DMD: variants seen among roughly 807,000 people sequenced by gnomAD.
The protein encoded by DMD is dystrophin, also known as mutant dystrophin.
A neutral mutation model predicts 330.1 loss-of-function variants in DMD; 63 were observed. The ratio of observed to expected loss-of-function variants is 0.19; its 90% confidence interval spans 0.16 to 0.24. The LOEUF is 0.24. DMD is among the 10% of genes least tolerant of loss of function. The pLI is 1.00. For missense variants in DMD, 3,344 were observed against 2,684.1 expected (o/e 1.25, Z -5.43); for synonymous variants, 1,223 against 959.8 (o/e 1.27, Z -5.07).
intron 19 of DMD, among the ~76,000 whole-genome samples, chrX:32,497,860 C>T (rs749449641): frequency 2.3e-4 from 26 of 111,570 alleles, no homozygotes; most frequent in African/African-American, 8.1e-4. Flanking sequence ...AGTTTAAAGA[C>T]TGTTCAAATT....
intron 9 of DMD, among the ~76,000 whole-genome samples, chrX:32,657,001 A>G (rs1333173253): frequency 2.0e-5 from 2 of 101,105 alleles, no homozygotes; most frequent in Admixed American, 1.0e-4. Flanking sequence ...TATATAGTAT[A>G]CCAACTTATA....
chrX:32,693,782 C>T (rs941148908), intron 9 of DMD, among the ~76,000 whole-genome samples: 1 of 111,439 alleles, frequency 9.0e-6, no homozygotes, highest in African/African-American at 3.3e-5. Flanking sequence ...TGAGGGTAGC[C>T]TTCACTTTTA....
At chrX:32,699,091 G>T in intron 8 of DMD, 21 bp downstream of exon 8, 2 of 1,187,274 alleles carry the variant, frequency 1.7e-6, no homozygotes, top group Non-Finnish European at 2.3e-6. Context: ...TTGAATAGTA[G>T]CTGTCCTTTA....
chrX:32,231,920 T>A lies in DMD; in HGVS notation c.6291-14857A>T, dbSNP rs187332695. Among the ~76,000 whole-genome samples the A allele has an allele frequency of 1.5e-3, 163 of 110,070 alleles. 1 individual carries two copies. Among genetic ancestry groups the A allele is most frequent in the African/African-American group, 5.3e-3 (155 of 29,062 alleles). ...CAAAGAAAGAAAAAAATTCCAATTT[T>A]ACTTTTATAAGTTGGAATTTACTAT... On this transcript the variant is annotated intron_variant, in intron 43 of 78. Transcript: ENST00000357033.
intron 44 of DMD, among the ~76,000 whole-genome samples, chrX:32,093,004 C>T (rs2096485788): frequency 9.0e-6 from 1 of 111,028 alleles, no homozygotes; most frequent in African/African-American, 3.3e-5. Context: ...CCCTTATATA[C>T]TGTACTATCA....
intron 43 of DMD, among the ~76,000 whole-genome samples, chrX:32,226,105 T>C (rs776617783): frequency 8.9e-6 from 1 of 111,767 alleles, no homozygotes; most frequent in East Asian, 2.8e-4. Context: ...GTCGTGGCCT[T>C]TCTTGAAAAC....
At chrX:31,920,270 T>A (rs2094671257) in intron 47 of DMD, among the ~76,000 whole-genome samples, 1 of 112,100 alleles carries the variant, frequency 8.9e-6, no homozygotes, top group Non-Finnish European at 1.9e-5. Flanking sequence ...TTAATAAAAA[T>A]CACCCTGTTA....
intron 2 of DMD, among the ~76,000 whole-genome samples, chrX:32,928,174 G>C (rs761421147): frequency 9.1e-6 from 1 of 110,436 alleles, no homozygotes; most frequent in Admixed American, 9.7e-5. Flanking sequence ...TTCATGAAAT[G>C]ACTTTATTCG....
At chrX:31,568,938 A>T (rs749398423) in intron 55 of DMD, among the ~76,000 whole-genome samples, 1 of 111,203 alleles carries the variant, frequency 9.0e-6, no homozygotes, top group South Asian at 3.8e-4. Context: ...ATAGTTTTTT[A>T]GTGGTCTTTC....
At chrX:32,552,952 T>C (rs1471003001) in intron 16 of DMD, among the ~76,000 whole-genome samples, 1 of 111,666 alleles carries the variant, frequency 9.0e-6, no homozygotes, top group Non-Finnish European at 1.9e-5. Flanking sequence ...AGGGAACGTT[T>C]ATTGCACTGC....
In DMD at chrX:32,630,688, C is replaced by T. The variant is rs772017894; in HGVS notation, c.1331+13444G>A. Among the ~76,000 whole-genome samples, 5 of 111,542 alleles carry T rather than the reference C, an allele frequency of 4.5e-5. No homozygotes were observed. The South Asian group carries it at 1.9e-3, about 42-fold the overall frequency. On this transcript the variant is annotated intron_variant, in intron 11 of 78. Transcript: ENST00000357033. ...TTTGTTCGATTCTTTTTATTTCAAT[C>T]CCTTTGTTAAATTTATGTGTAGGAT...
intron 62 of DMD, among the ~76,000 whole-genome samples, chrX:31,277,907 C>T (rs1214598251): frequency 3.6e-5 from 4 of 109,606 alleles, no homozygotes; most frequent in Non-Finnish European, 7.6e-5. Context: ...GGGTACTATG[C>T]TCACAATCTG....
At chrX:33,166,611 AGT>A (rs776592266) in intron 1 of DMD, among the ~76,000 whole-genome samples, 5 of 111,170 alleles carry the variant, frequency 4.5e-5, no homozygotes, top group Non-Finnish European at 9.5e-5. Flanking sequence ...TATCCAAAAA[AGT>A]GTGTTACCTG....
intron 1 of DMD, among the ~76,000 whole-genome samples, chrX:33,135,854 A>G (rs751322182): frequency 2.7e-5 from 3 of 112,627 alleles, no homozygotes; most frequent in Non-Finnish European, 5.6e-5. Context: ...ATGGGTATGT[A>G]CCAAGTGCTA....
At chrX:32,912,796 T>TG (rs1431750994) in intron 2 of DMD, among the ~76,000 whole-genome samples, 1 of 111,367 alleles carries the variant, frequency 9.0e-6, no homozygotes, top group Admixed American at 9.5e-5. Flanking sequence ...CTGGTGGTAG[T>TG]GGGGAAGCGA....
chrX:32,428,696 C>T (rs1298034557), intron 29 of DMD, among the ~76,000 whole-genome samples: 3 of 111,664 alleles, frequency 2.7e-5, no homozygotes, highest in Non-Finnish European at 3.8e-5. Flanking sequence ...ACTGCAACCT[C>T]TGCCTCCCAG....
intron 43 of DMD, among the ~76,000 whole-genome samples, chrX:32,224,886 T>C (rs982954883): frequency 4.5e-5 from 5 of 111,768 alleles, no homozygotes; most frequent in Non-Finnish European, 5.6e-5. Context: ...GTTGAAATTC[T>C]ACACATTTTT....
At chrX:33,305,377 T>A (rs1230783163) in intron 1 of DMD, among the ~76,000 whole-genome samples, 2 of 84,946 alleles carry the variant, frequency 2.4e-5, no homozygotes, top group Non-Finnish European at 4.4e-5. Context: ...TGAGAACACA[T>A]GGACGCAGGA....
At chrX:33,214,257 C>T (rs5972779), upstream of DMD, among the ~76,000 whole-genome samples, 24,702 of 110,094 alleles carry the variant, frequency 0.22, 5,050 homozygotes, top group African/African-American at 0.66. Context: ...ATTTTTCATT[C>T]CTCTAGATTC....
Sources: gnomAD v4.1 joint callset for allele counts (sites outside exome capture counted in the v4.1 genomes callset) on GRCh38, gnomAD v4.1.1 for gene constraint, MANE v1.5 for transcripts, NCBI Gene and HGNC (gene_info 2026-07-23, HGNC 2026-07-21) for gene names.